The following DAB1 variants were observed in gnomAD, a reference collection of about 807,000 sequenced individuals.
DAB1 encodes the protein DAB adaptor protein 1, also known as disabled homolog 1.
A neutral mutation model predicts 64.6 loss-of-function variants in DAB1; 15 were observed. That is an observed-to-expected ratio of 0.23 (90% CI 0.16 to 0.36). The LOEUF (loss-of-function observed/expected upper bound fraction) is 0.36. Among genes scored for constraint, DAB1 ranks in the 10% least tolerant of loss-of-function variants. The pLI is 1.00. For missense variants in DAB1, 596 were observed against 706.7 expected, an observed-to-expected ratio of 0.84 and a Z score of 1.78; for synonymous variants, 235 against 251.9, an observed-to-expected ratio of 0.93 and a Z score of 0.64.
At chr1:58,285,305 G>A (rs1389095741) in intron 4 of DAB1, among the ~76,000 whole-genome samples, 2 of 152,164 alleles carry the variant, frequency 1.3e-5, no homozygotes, top group Non-Finnish European at 2.9e-5. Flanking sequence ...TCTGGCCAGA[G>A]CAATTGGGCA....
intron 5 of DAB1, among the ~76,000 whole-genome samples, chr1:58,055,882 G>GTTATTATTATTATTA (rs71246205): frequency 0.058 from 8,492 of 147,584 alleles, 318 homozygotes; most frequent in Admixed American, 0.072. Flanking sequence ...ATCACACCGA[G>GTTATTATTATTATTA]TTATTATTAT....
At chr1:57,625,094 TG>T (rs1645906723) in intron 7 of DAB1, among the ~76,000 whole-genome samples, 1 of 152,202 alleles carries the variant, frequency 6.6e-6, no homozygotes, top group African/African-American at 2.4e-5. Context: ...ATTTTCACCT[TG>T]AGAAGGCGAG....
Position 57,991,387 on chromosome 1 carries a change from C to G in DAB1, n.388-107225G>C, listed in dbSNP as rs184268651. Among the ~76,000 whole-genome samples the G allele has an allele frequency of 1.2e-4, 19 of 152,288 alleles. 1 individual carries two copies. The highest frequency in any genetic ancestry group is 4.6e-4 in the African/African-American group (19 of 41,556). On this transcript the variant is annotated intron_variant and non_coding_transcript_variant, in intron 5 of 20. Transcript: ENST00000485760. ...CAACAAGCATCGACTAATATACACC[C>G]TTAGCCAGGCATTGTTCTGGGGATA...
chr1:57,282,652 C>T (rs1672009527), intron 2 of DAB1, among the ~76,000 whole-genome samples: 1 of 152,118 alleles, frequency 6.6e-6, no homozygotes, highest in Admixed American at 6.5e-5. Flanking sequence ...TCTCTTTTCA[C>T]CACAGCACAT....
intron 6 of DAB1, among the ~76,000 whole-genome samples, chr1:57,787,361 G>T (rs1477978877): frequency 6.6e-6 from 1 of 152,014 alleles, no homozygotes; most frequent in East Asian, 1.9e-4. Context: ...GTCCAAAATA[G>T]ACCTGCACGT....
intron 5 of DAB1, among the ~76,000 whole-genome samples, chr1:57,958,217 A>C (rs1176337129): frequency 2.0e-5 from 3 of 151,998 alleles, no homozygotes; most frequent in African/African-American, 7.2e-5. Context: ...ACCTCAAGTG[A>C]TCCACCTGCC....
At position 58,320,498 on chromosome 1, in the gene DAB1, C is replaced by T. The variant is rs189665470; in HGVS notation, n.309+22854G>A. Among the ~76,000 whole-genome samples the T allele has an allele frequency of 3.4e-3, 524 of 152,258 alleles. 4 individuals carry two copies. Among genetic ancestry groups the T allele is most frequent in the Non-Finnish European group, 2.6e-3 (178 of 68,026 alleles). On this transcript the variant is annotated intron_variant and non_coding_transcript_variant, in intron 4 of 20. Coordinates refer to the DAB1 transcript ENST00000485760. Reference sequence around the variant, plus strand: ...AGACTTCGAGAAATGAAGTGACTTGCCCAAGTTCACAGCATGGTTTAAGTG... The same window carrying T: ...AGACTTCGAGAAATGAAGTGACTTGTCCAAGTTCACAGCATGGTTTAAGTG...
At chr1:57,367,066 AAT>A (rs1491230294) in intron 1 of DAB1, among the ~76,000 whole-genome samples, 1 of 78,962 alleles carries the variant, frequency 1.3e-5, no homozygotes, top group Admixed American at 1.3e-4. Flanking sequence ...AATAAAATAA[AAT>A]AAAATAAAAT....
intron 1 of DAB1, among the ~76,000 whole-genome samples, chr1:58,534,786 A>C (rs904351465): frequency 5.3e-5 from 8 of 152,130 alleles, no homozygotes; most frequent in African/African-American, 1.9e-4. Context: ...AACACAAAAA[A>C]TTAGCCAGGC....
intron 7 of DAB1, among the ~76,000 whole-genome samples, chr1:57,611,647 C>T (rs139067354): frequency 6.6e-6 from 1 of 152,054 alleles, no homozygotes; most frequent in Non-Finnish European, 1.5e-5. Flanking sequence ...GCAAGTTAAC[C>T]TTTCCTGGTG....
At chr1:58,067,605 A>G (rs1172895785) in intron 5 of DAB1, among the ~76,000 whole-genome samples, 1 of 152,246 alleles carries the variant, frequency 6.6e-6, no homozygotes, top group Admixed American at 6.5e-5. Context: ...GTTAAGAGTG[A>G]AGTAACTGGT....
At chr1:57,985,637 C>A (rs1288269463) in intron 5 of DAB1, among the ~76,000 whole-genome samples, 1 of 81,018 alleles carries the variant, frequency 1.2e-5, no homozygotes, top group Non-Finnish European at 2.7e-5. Context: ...CACAGTAGAC[C>A]CTCAAGAAAG....
At chr1:57,062,046 C>T (rs1037230410) in intron 9 of DAB1, among the ~76,000 whole-genome samples, 4 of 152,166 alleles carry the variant, frequency 2.6e-5, no homozygotes, top group African/African-American at 9.7e-5. Flanking sequence ...CCGAGAGCTG[C>T]CTGAATTATG....
intron 7 of DAB1, among the ~76,000 whole-genome samples, chr1:57,535,278 G>A (rs1644712337): frequency 6.6e-6 from 1 of 152,050 alleles, no homozygotes; most frequent in East Asian, 1.9e-4. Flanking sequence ...CTTTTTCACA[G>A]CTGTATTCCC....
chr1:58,193,179 G>A (rs1657483513), intron 4 of DAB1, among the ~76,000 whole-genome samples: 1 of 152,140 alleles, frequency 6.6e-6, no homozygotes, highest in African/African-American at 2.4e-5. Context: ...TGGGAAGAGG[G>A]AAGTGAGTAA....
chr1:57,627,339 C>G (rs1645934309), intron 7 of DAB1, among the ~76,000 whole-genome samples: 1 of 152,152 alleles, frequency 6.6e-6, no homozygotes, highest in Admixed American at 6.5e-5. Context: ...AATGGTGTGA[C>G]CCAATTCTGT....
At chr1:57,080,939 A>C (rs1395336118) in intron 4 of DAB1, among the ~76,000 whole-genome samples, 2 of 152,192 alleles carry the variant, frequency 1.3e-5, no homozygotes, top group African/African-American at 4.8e-5. Flanking sequence ...AAAAGCCCTT[A>C]GGTGCTAAGG....
intron 4 of DAB1, among the ~76,000 whole-genome samples, chr1:58,198,900 G>A (rs187155170): frequency 1.1e-3 from 175 of 152,228 alleles, no homozygotes; most frequent in East Asian, 4.4e-3. Context: ...GAGGTCAAGA[G>A]TTCGGGACCA....
chr1:57,533,538 G>GATATATATATATATATATAT, intron 7 of DAB1, among the ~76,000 whole-genome samples: 1 of 63,180 alleles, frequency 1.6e-5, no homozygotes. Flanking sequence ...ATTCATAACA[G>GATATATATATATATATATAT]GTATATATAT....
Sources: gnomAD v4.1 joint callset for allele counts (sites outside exome capture counted in the v4.1 genomes callset) on GRCh38, gnomAD v4.1.1 for gene constraint, MANE v1.5 for transcripts, NCBI Gene and HGNC (gene_info 2026-07-23, HGNC 2026-07-21) for gene names.